Variants in GRIN2A observed in about 807,000 individuals in gnomAD.
GRIN2A encodes glutamate receptor ionotropic, NMDA 2A.
In GRIN2A, 22 loss-of-function variants were observed where a neutral mutation model predicts 113.4. The observed-to-expected ratio is 0.19, with a 90% confidence interval of 0.14 to 0.28. The LOEUF (loss-of-function observed/expected upper bound fraction) is 0.28, where lower values mean the gene tolerates loss of function less well. Ranked by LOEUF, GRIN2A falls within the 10% of genes least tolerant of loss-of-function variation. The pLI, the probability that GRIN2A is intolerant of heterozygous loss-of-function variation, is 1.00. For synonymous variants in GRIN2A, 827 were observed against 738.4 expected (o/e 1.12, Z -1.94); for missense variants, 1,502 against 1,887.0 (o/e 0.80, Z 3.78).
At position 9,759,297 on chromosome 16, in the gene GRIN2A, AT is replaced by A. The variant is rs929880823; in HGVS notation, c.*3851del. ...TAATCACCATTTAATTAACATCAAC[AT>A]TTTTTTTCTTTTTCATTAGCAATTC... On this transcript the variant is annotated 3_prime_UTR_variant, in exon 13 of 13. Transcript: ENST00000330684. The A allele has an allele frequency of 3.2e-5, 7 of 220,756 alleles. No homozygotes were observed. The highest frequency in any genetic ancestry group is 9.0e-5 in the African/African-American group (4 of 44,596). 13.7% of individuals were successfully genotyped at this position (220,756 alleles called of 1,614,324 possible).
At chr16:9,865,167 A>C (rs2043141569) in intron 4 of GRIN2A, among the ~76,000 whole-genome samples, 2 of 152,190 alleles carry the variant, frequency 1.3e-5, no homozygotes, top group Non-Finnish European at 2.9e-5. Context: ...AAACAGTAAT[A>C]AGCTTAACGA....
rs759187870 is a variant in GRIN2A, at chr16:9,762,999, G to A, written c.*150C>T. ...GAGTGGAAGATTATGGCATGAAGCC[G>A]TGTGCAAAAGAGCCAACAACAACAA... On this transcript the variant is annotated 3_prime_UTR_variant, in exon 13 of 13. Transcript: ENST00000330684. 107 of 736,444 alleles carry A rather than the reference G, an allele frequency of 1.5e-4. No individual in the cohort carries two copies. Among genetic ancestry groups the A allele is most frequent in the Non-Finnish European group, 1.9e-4 (85 of 441,758 alleles). 45.6% of individuals were successfully genotyped at this position (736,444 alleles called of 1,614,324 possible).
intron 11 of GRIN2A, among the ~76,000 whole-genome samples, chr16:9,782,254 G>A (rs369967088): frequency 1.2e-3 from 180 of 152,038 alleles, no homozygotes; most frequent in African/African-American, 3.9e-3. Context: ...TATTTAGATC[G>A]CATTTATATT....
At chr16:10,038,217 G>C (rs114569912) in intron 2 of GRIN2A, among the ~76,000 whole-genome samples, 2,146 of 152,182 alleles carry the variant, frequency 0.014, 55 homozygotes, top group African/African-American at 0.049. Flanking sequence ...GAAGGGTCTA[G>C]AGATTTTTGC....
intron 3 of GRIN2A, among the ~76,000 whole-genome samples, chr16:9,897,743 G>A (rs769197363): frequency 6.6e-6 from 1 of 152,078 alleles, no homozygotes; most frequent in Non-Finnish European, 1.5e-5. Context: ...TAAGTTACAT[G>A]TGACTTGCAT....
At chr16:10,014,426 T>C (rs1277078776) in intron 2 of GRIN2A, among the ~76,000 whole-genome samples, 5 of 152,320 alleles carry the variant, frequency 3.3e-5, no homozygotes, top group African/African-American at 1.2e-4. Context: ...AATGTACACA[T>C]TTCTTAGAAA....
intron 3 of GRIN2A, among the ~76,000 whole-genome samples, chr16:9,932,423 T>A (rs1475245390): frequency 6.6e-6 from 1 of 152,208 alleles, no homozygotes; most frequent in Admixed American, 6.5e-5. Context: ...TCGCCCAGGC[T>A]GGAATGCAGT....
chr16:9,822,709 A>G (rs1156577392), intron 9 of GRIN2A, among the ~76,000 whole-genome samples: 1 of 152,062 alleles, frequency 6.6e-6, no homozygotes, highest in Non-Finnish European at 1.5e-5. Context: ...CTCCATAGGT[A>G]TTTGTTGAGT....
intron 2 of GRIN2A, among the ~76,000 whole-genome samples, chr16:10,081,538 A>T (rs1364169824): frequency 1.3e-5 from 2 of 152,240 alleles, no homozygotes; most frequent in East Asian, 3.8e-4. Context: ...TGATTGAGGC[A>T]TTAAGAAAGC....
chr16:9,919,501 C>T lies in GRIN2A; in HGVS notation c.1007+18458G>A, dbSNP rs140089062. Among the ~76,000 whole-genome samples the T allele has an allele frequency of 3.7e-3, 568 of 152,216 alleles. 1 individual carries two copies. The highest frequency in any genetic ancestry group is 0.013 in the African/African-American group (538 of 41,516). ...TTAGCTGTGGTCAAATAGGACCCAC[C>T]AAGGCCTGCATGGTAAGGAGAAGAG... On this transcript the variant is annotated intron_variant, in intron 3 of 12. Coordinates refer to ENST00000330684, the MANE Select transcript of GRIN2A (RefSeq NM_001134407.3).
intron 10 of GRIN2A, among the ~76,000 whole-genome samples, chr16:9,814,735 C>G (rs532483709): frequency 6.6e-6 from 1 of 152,258 alleles, no homozygotes; most frequent in Admixed American, 6.5e-5. Flanking sequence ...AATGTACCTT[C>G]TTGGCCGGGT....
intron 2 of GRIN2A, among the ~76,000 whole-genome samples, chr16:10,091,735 A>G (rs1041453900): frequency 2.0e-5 from 3 of 152,234 alleles, no homozygotes; most frequent in African/African-American, 7.2e-5. Context: ...ATTAACCTCA[A>G]AGACATTATG....
chr16:9,762,187 C>T lies in GRIN2A; in HGVS notation c.*962G>A, dbSNP rs530650621. ...GGACACCACCATGGCTGTTTGGAAA[C>T]GGAACGAGTTATGGTTACTCTGGGA... is the stretch of plus-strand genomic sequence containing the variant. On this transcript the variant is annotated 3_prime_UTR_variant, in exon 13 of 13. Coordinates refer to ENST00000330684, the MANE Select transcript of GRIN2A (RefSeq NM_001134407.3). 9 of 219,562 alleles carry T rather than the reference C, an allele frequency of 4.1e-5. No individual in the cohort carries two copies. Among genetic ancestry groups the T allele is most frequent in the East Asian group, 2.7e-4 (4 of 15,002 alleles). 13.6% of individuals were successfully genotyped at this position (219,562 alleles called of 1,614,324 possible). A position where few individuals can be genotyped will look rare whatever the true frequency, so the allele number is the denominator to read the frequency against.
chr16:9,777,714 C>T (rs1211570009), intron 11 of GRIN2A, among the ~76,000 whole-genome samples: 1 of 152,160 alleles, frequency 6.6e-6, no homozygotes, highest in Non-Finnish European at 1.5e-5. Flanking sequence ...CGTGATTAGT[C>T]GCACAAGTTG....
At chr16:10,116,901 G>C (rs2048738483) in intron 2 of GRIN2A, among the ~76,000 whole-genome samples, 1 of 152,136 alleles carries the variant, frequency 6.6e-6, no homozygotes, top group South Asian at 2.1e-4. Flanking sequence ...TATGGCCAGA[G>C]AACATTCTTA....
chr16:9,767,782 G>A (rs971272214), intron 12 of GRIN2A, among the ~76,000 whole-genome samples: 3 of 152,124 alleles, frequency 2.0e-5, no homozygotes, highest in Non-Finnish European at 4.4e-5. Flanking sequence ...TGCTTGATAC[G>A]TGTGCATTTT....
chr16:10,095,601 A>G (rs190467840), intron 2 of GRIN2A, among the ~76,000 whole-genome samples: 3 of 152,354 alleles, frequency 2.0e-5, no homozygotes, highest in Admixed American at 2.0e-4. Flanking sequence ...GTCTCAATGT[A>G]TCTGCCTAAT....
intron 10 of GRIN2A, among the ~76,000 whole-genome samples, chr16:9,820,689 CA>C (rs1176290628): frequency 6.6e-6 from 1 of 151,882 alleles, no homozygotes; most frequent in African/African-American, 2.4e-5. Flanking sequence ...CAGCAGGCAC[CA>C]AGAATCTACG....
At chr16:9,830,445 C>A in intron 8 of GRIN2A, among the ~76,000 whole-genome samples, 1 of 130,500 alleles carries the variant, frequency 7.7e-6, no homozygotes, top group East Asian at 2.3e-4. Context: ...GTAAAACACA[C>A]ATATTAGGGT....
Sources: gnomAD v4.1 joint callset for allele counts (sites outside exome capture counted in the v4.1 genomes callset) on GRCh38, gnomAD v4.1.1 for gene constraint, MANE v1.5 for transcripts, NCBI Gene and HGNC (gene_info 2026-07-23, HGNC 2026-07-21) for gene names.